The following SNAPC4 variants were observed in gnomAD, a reference collection of about 807,000 sequenced individuals.
SNAPC4 encodes the protein snRNA-activating protein complex subunit 4.
Under a neutral mutation model 151.3 loss-of-function variants are expected in SNAPC4, and 127 were observed. The observed-to-expected ratio is 0.84, with a 90% CI of 0.73 to 0.97. The LOEUF is 0.97. Ranked by LOEUF, SNAPC4 falls within the 50% of genes least tolerant of loss-of-function variation. The pLI is 0.00. For missense variants in SNAPC4, 2,186 were observed against 1,935.0 expected, an observed-to-expected ratio of 1.13 and a Z score of -2.43; for synonymous variants, 1,002 against 824.4, an observed-to-expected ratio of 1.22 and a Z score of -3.69.
chr9:136,379,017 G>T lies in SNAPC4; in HGVS notation c.2810C>A (p.Pro937Gln). The T allele has an allele frequency of 1.2e-6, 2 of 1,604,374 alleles. No homozygotes were observed. Among genetic ancestry groups the T allele is most frequent in the South Asian group, 1.1e-5 (1 of 89,440 alleles). ...VILQPPLPHT[P>Q]HGRPAPGPTV... ...GGGACCCGGGGCTGGGCGGCCGTGT[G>T]GGGTGTGTGGTAGAGGGGGCTGGAG... Residue 937 changes from proline (P) to glutamine (Q), a missense_variant, in exon 22 of 24, where the codon CCA (proline) becomes CAA (glutamine). By Grantham distance (76) the Pro-to-Gln change is moderately conservative (BLOSUM62 -1). Transcript: ENST00000684778.
In SNAPC4 at chr9:136,383,685, G is replaced by A; in HGVS notation, c.1501-17C>T. 3.2e-6 allele frequency: 5 copies of A among 1,586,942 alleles called. No individual in the cohort carries two copies. Among genetic ancestry groups the A allele is most frequent in the Non-Finnish European group, 3.4e-6 (4 of 1,165,858 alleles). Reference sequence around the variant, plus strand: ...CTGCTTCTTCTGAGGGGAGGAAAGAGCTACTTAGAGGCCTTGGCAAGCCCG... The same window carrying A: ...CTGCTTCTTCTGAGGGGAGGAAAGAACTACTTAGAGGCCTTGGCAAGCCCG... On this transcript the variant is annotated splice_polypyrimidine_tract_variant and intron_variant, in intron 15 of 23. Transcript: ENST00000684778. This position sits in a 1 kb window ranked among gnomAD's most constrained non-coding sequence, Gnocchi z 4.2.
At chr9:136,395,060 GCA>G (rs1834214973) in intron 5 of SNAPC4, among the ~76,000 whole-genome samples, 182 bp from the exon 6 acceptor site, 1 of 152,202 alleles carries the variant, frequency 6.6e-6, no homozygotes. Flanking sequence ...GTCAGGCCTC[GCA>G]CAGACAACAC....
chr9:136,385,408 C>T (rs942517051), intron 13 of SNAPC4, among the ~76,000 whole-genome samples: 2 of 152,112 alleles, frequency 1.3e-5, no homozygotes, highest in African/African-American at 2.4e-5. Flanking sequence ...TTACCCGGAC[C>T]GAGCAATTTC....
intron 10 of SNAPC4, among the ~76,000 whole-genome samples, chr9:136,388,950 T>C (rs1051545014): frequency 2.0e-5 from 3 of 152,354 alleles, no homozygotes; most frequent in Non-Finnish European, 2.9e-5. Context: ...CTGCTCTGCA[T>C]GTGGCATGCT....
In SNAPC4 at chr9:136,384,764, T is replaced by C. The variant is rs1309351944; in HGVS notation, c.1376A>G (p.Lys459Arg). 1 of 1,595,308 alleles carries C rather than the reference T, an allele frequency of 6.3e-7. No individual in the cohort carries two copies. The highest frequency in any genetic ancestry group is 8.6e-7 in the Non-Finnish European group (1 of 1,167,570). ...FSLKKGRWNL[K>R]EEEQLIELIE... ...TAATTCAATTAACTGTTCCTCTTCT[T>C]TTAAATTCCACCGACCCTTTTTCAA... The change falls in exon 14 of 24, where the codon AAA becomes AGA. Residue 459 changes from lysine to arginine, a missense_variant. Physicochemically the swap from Lys to Arg is conservative, Grantham distance 26 (BLOSUM62 2). Coordinates refer to ENST00000684778, the MANE Select transcript of SNAPC4 (RefSeq NM_003086.4).
rs189535273 is a variant in SNAPC4, at chr9:136,398,137, G to C, written c.130+162C>G. ...TGTCCAGGCTGGACATGAACTCCTG[G>C]GATCAAACAATGCTCTCACCTCAGC... On this transcript the variant is annotated intron_variant, in intron 2 of 23. Transcript: ENST00000684778. 8.8e-4 allele frequency among the ~76,000 whole-genome samples: 134 copies of C among 152,074 alleles called. No individual in the cohort carries two copies. In the East Asian group the frequency reaches 0.018, roughly 21 times the overall value.
intron 16 of SNAPC4, 65 bp from the exon 17 acceptor site, chr9:136,382,401 C>A: frequency 7.4e-7 from 1 of 1,352,706 alleles, no homozygotes; most frequent in South Asian, 1.2e-5. Flanking sequence ...GCCCTCCCCT[C>A]GCTGCCCACA....
Sources: allele counts gnomAD v4.1 joint callset (sites outside exome capture counted in the v4.1 genomes callset), GRCh38; gene constraint gnomAD v4.1.1; non-coding constraint Gnocchi (gnomAD v3.1); transcripts MANE v1.5; gene names NCBI Gene and HGNC (gene_info 2026-07-23, HGNC 2026-07-21).